FAM107B: variants seen among roughly 807,000 people sequenced by gnomAD.
FAM107B encodes the protein protein FAM107B.
Under a neutral mutation model 31.5 loss-of-function variants are expected in FAM107B, and 21 were observed. The observed-to-expected ratio is 0.67, with a 90% CI of 0.47 to 0.96. The LOEUF (loss-of-function observed/expected upper bound fraction) is 0.96, where lower values mean the gene tolerates loss of function less well. Ranked by LOEUF, FAM107B falls within the 40% of genes least tolerant of loss-of-function variation. The pLI is 0.00. For synonymous variants in FAM107B, 157 were observed against 141.5 expected (o/e 1.11, Z -0.78); for missense variants, 452 against 377.1 (o/e 1.20, Z -1.64).
At chr10:14,632,747 G>A (rs763281749) in intron 2 of FAM107B, among the ~76,000 whole-genome samples, 4 of 152,104 alleles carry the variant, frequency 2.6e-5, no homozygotes, top group Non-Finnish European at 4.4e-5. Context: ...TCTGAAGTAG[G>A]GAAAGGAAGG....
intron 1 of FAM107B, among the ~76,000 whole-genome samples, chr10:14,681,216 T>C (rs1854825869): frequency 6.6e-6 from 1 of 152,254 alleles, no homozygotes. Flanking sequence ...GACCTGGCCC[T>C]ACCCCTCTTC....
intron 1 of FAM107B, among the ~76,000 whole-genome samples, chr10:14,683,495 G>A (rs773702483): frequency 2.0e-5 from 3 of 152,176 alleles, no homozygotes; most frequent in Non-Finnish European, 4.4e-5. Context: ...AAAGTTTGAC[G>A]CAATCTTTTG....
chr10:14,674,028 T>G (rs558424720), intron 1 of FAM107B, among the ~76,000 whole-genome samples: 1 of 151,412 alleles, frequency 6.6e-6, no homozygotes, highest in African/African-American at 2.5e-5. Context: ...CAAGTATCTC[T>G]AGAAAAGAGG....
At chr10:14,621,263 G>C (rs1228682022) in intron 2 of FAM107B, among the ~76,000 whole-genome samples, 2 of 152,080 alleles carry the variant, frequency 1.3e-5, no homozygotes, top group East Asian at 1.9e-4. Context: ...TCGATGTTTT[G>C]AAAGCAACAT....
chr10:14,649,207 A>G lies in FAM107B; in HGVS notation c.469+18427T>C, dbSNP rs1853838671. ...TAAAACAGAGACCATAAGACTGACA[A>G]AACAGACTCTGCGTAGCAATAAGAT... On this transcript the variant is annotated intron_variant, in intron 2 of 4. Coordinates refer to ENST00000181796, the MANE Select transcript of FAM107B (RefSeq NM_031453.4). Among the ~76,000 whole-genome samples the G allele has an allele frequency of 2.0e-5, 3 of 152,232 alleles. No homozygotes were observed. The South Asian group carries it at 6.2e-4, about 32-fold the overall frequency.
chr10:14,706,401 A>AT (rs1438276998), intron 1 of FAM107B, among the ~76,000 whole-genome samples: 3 of 151,796 alleles, frequency 2.0e-5, no homozygotes, highest in African/African-American at 7.3e-5. Context: ...CTAATTTTAA[A>AT]TTTTTTTGTA....
At chr10:14,710,707 A>T (rs1184587657) in intron 1 of FAM107B, among the ~76,000 whole-genome samples, 1 of 152,210 alleles carries the variant, frequency 6.6e-6, no homozygotes, top group Admixed American at 6.5e-5. Flanking sequence ...CTTAACAAAA[A>T]AAGTTCAAAA....
chr10:14,565,734 A>G (rs560965676), intron 2 of FAM107B, among the ~76,000 whole-genome samples: 1 of 152,212 alleles, frequency 6.6e-6, no homozygotes, highest in Non-Finnish European at 1.5e-5. Flanking sequence ...AGTGTCCTCA[A>G]AATACCCAAA....
At chr10:14,642,880 T>G (rs952098148) in intron 2 of FAM107B, among the ~76,000 whole-genome samples, 2 of 152,208 alleles carry the variant, frequency 1.3e-5, no homozygotes, top group African/African-American at 4.8e-5. Flanking sequence ...AGAATCATCT[T>G]TCCTCCAATT....
chr10:14,606,843 T>C lies in FAM107B; in HGVS notation c.469+60791A>G, dbSNP rs1852605167. ...TCACCAGAAACCAACCCTACTGCCATCTTGATCTTGGACTTCCAGCCTTCA... is the reference window on the plus strand; with the variant it reads ...TCACCAGAAACCAACCCTACTGCCACCTTGATCTTGGACTTCCAGCCTTCA... On this transcript the variant is annotated intron_variant, in intron 2 of 4. Transcript: ENST00000181796. Among the ~76,000 whole-genome samples the C allele has an allele frequency of 2.0e-5, 3 of 152,216 alleles. No individual in the cohort carries two copies. The South Asian group carries it at 6.2e-4, about 32-fold the overall frequency.
chr10:14,578,977 G>A (rs1163154854), intron 2 of FAM107B, among the ~76,000 whole-genome samples: 1 of 151,970 alleles, frequency 6.6e-6, no homozygotes, highest in African/African-American at 2.4e-5. Context: ...TTCACACATT[G>A]TAAGACTTTA....
chr10:14,663,381 T>C (rs891216092), intron 2 of FAM107B: 5 of 152,262 alleles, frequency 3.3e-5, no homozygotes, highest in Admixed American at 2.0e-4. Flanking sequence ...AAAGTGCAGG[T>C]GTGAAAAGAA....
chr10:14,608,596 C>G (rs1482471588), intron 2 of FAM107B, among the ~76,000 whole-genome samples: 1 of 152,210 alleles, frequency 6.6e-6, no homozygotes, highest in Non-Finnish European at 1.5e-5. Flanking sequence ...CATCTCAGAT[C>G]CACTTGTATG....
At chr10:14,663,663 T>A (rs1854315665) in intron 2 of FAM107B, among the ~76,000 whole-genome samples, 1 of 152,104 alleles carries the variant, frequency 6.6e-6, no homozygotes, top group Non-Finnish European at 1.5e-5. Flanking sequence ...GCTACCTGAT[T>A]CCGGGAAAGG....
intron 2 of FAM107B, among the ~76,000 whole-genome samples, chr10:14,546,567 C>A (rs901023097): frequency 6.6e-6 from 1 of 152,286 alleles, no homozygotes; most frequent in Non-Finnish European, 1.5e-5. Context: ...TCAAGCTAGG[C>A]GAAAACTACC....
intron 1 of FAM107B, among the ~76,000 whole-genome samples, chr10:14,714,314 T>C (rs888346483): frequency 4.2e-5 from 6 of 144,436 alleles, no homozygotes; most frequent in Admixed American, 2.7e-4. Flanking sequence ...CCTGGACCCC[T>C]ACAGCCTCTG....
intron 1 of FAM107B, among the ~76,000 whole-genome samples, chr10:14,727,010 T>C (rs964200244): frequency 6.6e-6 from 1 of 151,864 alleles, no homozygotes; most frequent in East Asian, 1.9e-4. Context: ...TGGGAGACAG[T>C]TACAGATCAT....
chr10:14,695,246 C>A (rs35626512), intron 1 of FAM107B, among the ~76,000 whole-genome samples: 23,787 of 152,142 alleles, frequency 0.16, 2,141 homozygotes, highest in Middle Eastern at 0.21. Context: ...GCTCCATTTA[C>A]TGAAGAGACC....
intron 1 of FAM107B, among the ~76,000 whole-genome samples, chr10:14,725,756 A>C (rs1856017984): frequency 6.6e-6 from 1 of 150,520 alleles, no homozygotes; most frequent in African/African-American, 2.5e-5. Context: ...CCACCTCCTA[A>C]TTTCATCATA....
Sources: gnomAD v4.1 joint callset for allele counts (sites outside exome capture counted in the v4.1 genomes callset) on GRCh38, gnomAD v4.1.1 for gene constraint, MANE v1.5 for transcripts, NCBI Gene and HGNC (gene_info 2026-07-23, HGNC 2026-07-21) for gene names.